GFI1: variants seen among roughly 807,000 people sequenced by gnomAD.
GFI1 encodes the protein growth factor independent 1 transcriptional repressor, also known as zinc finger protein Gfi-1.
A neutral mutation model predicts 39.2 loss-of-function variants in GFI1; 15 were observed. The ratio of observed to expected loss-of-function variants is 0.38; its 90% confidence interval spans 0.26 to 0.59. The LOEUF (loss-of-function observed/expected upper bound fraction) is 0.59, where lower values mean the gene tolerates loss of function less well. GFI1 is among the 20% of genes least tolerant of loss of function. GFI1 has a pLI of 0.62. For missense variants in GFI1, 475 were observed against 574.0 expected, an observed-to-expected ratio of 0.83 and a Z score of 1.76; for synonymous variants, 239 against 254.3, an observed-to-expected ratio of 0.94 and a Z score of 0.57.
chr1:92,476,478 CAG>C (rs1332730206), intron 6 of GFI1, among the ~76,000 whole-genome samples: 3 of 152,192 alleles, frequency 2.0e-5, no homozygotes, highest in African/African-American at 7.2e-5. Flanking sequence ...TAAACGGAAA[CAG>C]AGCAAAGGCC....
rs939370891 is a variant in GFI1, at chr1:92,483,578, G to A, written c.-91C>T. 18 of 771,502 alleles carry A rather than the reference G, an allele frequency of 2.3e-5. No homozygotes were observed. The highest frequency in any genetic ancestry group is 4.1e-5 in the Non-Finnish European group (18 of 436,438). 47.8% of individuals were successfully genotyped at this position (771,502 alleles called of 1,614,324 possible). A position where few individuals can be genotyped will look rare whatever the true frequency, so the allele number is the denominator to read the frequency against. ...CCGAGGGCTTGCTCAGCCCCAGCCC[G>A]GAGGAGACCTGAGAGGGAAAGAAAA... On this transcript the variant is annotated 5_prime_UTR_variant, in exon 2 of 7. Coordinates refer to ENST00000294702, the MANE Select transcript of GFI1 (RefSeq NM_005263.5).
At chr1:92,486,332 G>T (rs1658526459) in intron 1 of GFI1, among the ~76,000 whole-genome samples, 1 of 152,200 alleles carries the variant, frequency 6.6e-6, no homozygotes, top group South Asian at 2.1e-4. Flanking sequence ...GTCGGCAGGG[G>T]ATGGGGGAAA....
At chr1:92,483,308 T>G (rs896290404) in intron 2 of GFI1, 65 bp downstream of exon 2, 1 of 898,260 alleles carries the variant, frequency 1.1e-6, no homozygotes, top group Non-Finnish European at 1.8e-6. Context: ...TCCGGACTAA[T>G]GGTGTGCCGA....
In GFI1 at chr1:92,481,366, C is replaced by A. The variant is rs1438329793; in HGVS notation, c.299-278G>T. ...GTGCGAGTGCAGCGGAGGCGCTCGGCGTTCCGAGGATCTTTTCTGGCTGGA... is the reference window on the plus strand; with the variant it reads ...GTGCGAGTGCAGCGGAGGCGCTCGGAGTTCCGAGGATCTTTTCTGGCTGGA... On this transcript the variant is annotated intron_variant, in intron 3 of 6. Coordinates refer to ENST00000294702, the MANE Select transcript of GFI1 (RefSeq NM_005263.5). This position sits in a 1 kb window ranked among gnomAD's most constrained non-coding sequence, Gnocchi z 4.3. Among the ~76,000 whole-genome samples, 1 of 152,202 alleles carries A rather than the reference C, an allele frequency of 6.6e-6. No individual in the cohort carries two copies. The highest frequency in any genetic ancestry group is 1.5e-5 in the Non-Finnish European group (1 of 68,020).
chr1:92,483,636 G>A, intron 1 of GFI1, 50 bp from the exon 2 acceptor site: 1 of 687,334 alleles, frequency 1.5e-6, no homozygotes, highest in Non-Finnish European at 2.7e-6. Flanking sequence ...ACTCTCCGGT[G>A]CGGCGGACTG....
chr1:92,485,222 G>A (rs1034547743), intron 1 of GFI1, among the ~76,000 whole-genome samples: 1 of 152,228 alleles, frequency 6.6e-6, no homozygotes, highest in Non-Finnish European at 1.5e-5. Flanking sequence ...TCCCTCCGGG[G>A]TGGCTCCTAG....
At position 92,481,776 on chromosome 1, in the gene GFI1, G is replaced by A. The variant is rs1557670839; in HGVS notation, c.299-688C>T. Among the ~76,000 whole-genome samples, 1 of 152,094 alleles carries A rather than the reference G, an allele frequency of 6.6e-6. No homozygotes were observed. Among genetic ancestry groups the A allele is most frequent in the African/African-American group, 2.4e-5 (1 of 41,390 alleles). On this transcript the variant is annotated intron_variant, in intron 3 of 6. Transcript: ENST00000294702. This position sits in a 1 kb window ranked among gnomAD's most constrained non-coding sequence, Gnocchi z 4.3. Reference sequence around the variant, plus strand: ...ATTCCTGTTACAGTTTGATGGAGGCGGGGAACCTGAATTTCTCAGAGAATA... The same window carrying A: ...ATTCCTGTTACAGTTTGATGGAGGCAGGGAACCTGAATTTCTCAGAGAATA...
chr1:92,476,387 G>C (rs1290021184), intron 6 of GFI1, among the ~76,000 whole-genome samples, 180 bp from the exon 7 acceptor site: 1 of 152,162 alleles, frequency 6.6e-6, no homozygotes, highest in Non-Finnish European at 1.5e-5. Flanking sequence ...GCGAGTCCCT[G>C]GAAGCACCAT....
Position 92,475,840 on chromosome 1 carries a change from G to GTACC in GFI1, c.*185_*188dup. 1.6e-6 allele frequency: 1 copy of GTACC among 623,910 alleles called. No homozygotes were observed. The highest frequency in any genetic ancestry group is 2.9e-6 in the Non-Finnish European group (1 of 347,756). 38.6% of individuals were successfully genotyped at this position (623,910 alleles called of 1,614,324 possible). A position where few individuals can be genotyped will look rare whatever the true frequency, so the allele number is the denominator to read the frequency against. ...TCACTCTCGGCTGCACTTTGAAAAG[G>GTACC]TACCTCATTTCTTCTGGCAGCTCCA... On this transcript the variant is annotated 3_prime_UTR_variant, in exon 7 of 7. Coordinates refer to ENST00000294702, the MANE Select transcript of GFI1 (RefSeq NM_005263.5).
rs1658425221 is a variant in GFI1 at position 92,484,212 on chromosome 1, G to T, written c.-99-626C>A. Among the ~76,000 whole-genome samples, 1 of 152,192 alleles carries T rather than the reference G, an allele frequency of 6.6e-6. No individual in the cohort carries two copies. The highest frequency in any genetic ancestry group is 2.1e-4 in the South Asian group (1 of 4,832). ...GAGGCCAGAGAAAGGAGGTGGGAGA[G>T]CAAAGGGACAGGAAAGTGAGGGGAA... is the stretch of plus-strand genomic sequence containing the variant. On this transcript the variant is annotated intron_variant, in intron 1 of 6. Coordinates refer to ENST00000294702, the MANE Select transcript of GFI1 (RefSeq NM_005263.5). The surrounding 1 kb of genome is among the most constrained non-coding windows in gnomAD (Gnocchi z 4.1).
chr1:92,479,009 G>A (rs891462833), intron 5 of GFI1, among the ~76,000 whole-genome samples: 1 of 152,142 alleles, frequency 6.6e-6, no homozygotes, highest in Non-Finnish European at 1.5e-5. Context: ...GGGACTACAG[G>A]CACACGCCAT....
chr1:92,477,340 C>G (rs1312916370), intron 6 of GFI1, among the ~76,000 whole-genome samples: 2 of 152,172 alleles, frequency 1.3e-5, no homozygotes, highest in Non-Finnish European at 2.9e-5. Context: ...GAGTGAATTA[C>G]ATGGAAATTT....
chr1:92,482,786 C>A lies in GFI1; in HGVS notation c.298+78G>T. On this transcript the variant is annotated intron_variant, in intron 3 of 6. Coordinates refer to ENST00000294702, the MANE Select transcript of GFI1 (RefSeq NM_005263.5). The surrounding 1 kb of genome is among the most constrained non-coding windows in gnomAD (Gnocchi z 4.4). ...CAACTCCCCGTTAGCATTTCTACGC[C>A]CAAGGTCGCGCCAATTCCCCCCCAG... The A allele has an allele frequency of 1.7e-6, 2 of 1,152,966 alleles. No homozygotes were observed. The highest frequency in any genetic ancestry group is 2.6e-6 in the Non-Finnish European group (2 of 765,502). 71.4% of individuals were successfully genotyped at this position (1,152,966 alleles called of 1,614,324 possible).
chr1:92,482,949 G>A lies in GFI1; in HGVS notation c.213C>T (p.Ser71=). ...LTEAPDRASA[S]PDSCEGSVCE... is the part of the protein sequence containing the mutation. ...AGACGCTGCCTTCGCAGCTGTCTGGGGATGCGGAGGCTCTGTCTGGGGCTT... is the reference window on the plus strand; with the variant it reads ...AGACGCTGCCTTCGCAGCTGTCTGGAGATGCGGAGGCTCTGTCTGGGGCTT... Residue 71 remains serine (S), a synonymous_variant, in exon 3 of 7, where the codon TCC becomes TCT. Transcript: ENST00000294702. The surrounding 1 kb of genome is among the most constrained non-coding windows in gnomAD (Gnocchi z 4.4). 6.2e-7 allele frequency: 1 copy of A among 1,613,838 alleles called. No homozygotes were observed. Among genetic ancestry groups the A allele is most frequent in the South Asian group, 1.1e-5 (1 of 91,082 alleles).
intron 6 of GFI1, among the ~76,000 whole-genome samples, chr1:92,477,963 T>C (rs1309938427): frequency 1.3e-5 from 2 of 152,194 alleles, no homozygotes; most frequent in Non-Finnish European, 2.9e-5. Flanking sequence ...TGTCATTTGC[T>C]AGCAGTGTGA....
chr1:92,482,768 C>T lies in GFI1; in HGVS notation c.298+96G>A. 1.1e-6 allele frequency: 1 copy of T among 944,588 alleles called. No individual in the cohort carries two copies. The highest frequency in any genetic ancestry group is 1.7e-6 in the Non-Finnish European group (1 of 584,920). The allele number at this position is 944,588 out of a possible 1,614,324, so 58.5% of individuals were successfully genotyped here. A position where few individuals can be genotyped will look rare whatever the true frequency, so the allele number is the denominator to read the frequency against. Reference sequence around the variant, plus strand: ...TCTCCCGGAAAGACTCTCCAACTCCCCGTTAGCATTTCTACGCCCAAGGTC... The same window carrying T: ...TCTCCCGGAAAGACTCTCCAACTCCTCGTTAGCATTTCTACGCCCAAGGTC... On this transcript the variant is annotated intron_variant, in intron 3 of 6. Transcript: ENST00000294702. The surrounding 1 kb of genome is among the most constrained non-coding windows in gnomAD (Gnocchi z 4.4).
At position 92,473,215 on chromosome 1, in the gene GFI1, T is replaced by G. The variant is rs573656648; in HGVS notation, c.*2814A>C. On this transcript the variant is annotated 3_prime_UTR_variant, in exon 7 of 7. Transcript: ENST00000294702. ...AAAAGGCATACAGTTAACATCAAAATTACAATTCCTCACTTAGAGCATAAA... is the reference window on the plus strand; with the variant it reads ...AAAAGGCATACAGTTAACATCAAAAGTACAATTCCTCACTTAGAGCATAAA... Among the ~76,000 whole-genome samples, 2 of 146,564 alleles carry G rather than the reference T, an allele frequency of 1.4e-5. No homozygotes were observed. The highest frequency in any genetic ancestry group is 4.3e-4 in the South Asian group (2 of 4,700).
At chr1:92,477,656 A>G (rs1658033223) in intron 6 of GFI1, among the ~76,000 whole-genome samples, 1 of 152,256 alleles carries the variant, frequency 6.6e-6, no homozygotes, top group Admixed American at 6.5e-5. Flanking sequence ...CTTACTTCTG[A>G]TAAATCATTC....
At chr1:92,478,451 T>G in intron 6 of GFI1, 137 bp downstream of exon 6, 1 of 765,538 alleles carries the variant, frequency 1.3e-6, no homozygotes, top group South Asian at 1.6e-5. Flanking sequence ...CCCACCCCTT[T>G]GTTTTCTTTA....
Sources: gnomAD v4.1 joint callset for allele counts (sites outside exome capture counted in the v4.1 genomes callset) on GRCh38, gnomAD v4.1.1 for gene constraint, Gnocchi (gnomAD v3.1) non-coding constraint, MANE v1.5 for transcripts, NCBI Gene and HGNC (gene_info 2026-07-23, HGNC 2026-07-21) for gene names.